The following MLLT10 variants were observed in gnomAD, a reference collection of about 807,000 sequenced individuals.
MLLT10 encodes MLLT10 histone lysine methyltransferase DOT1L cofactor, also known as protein AF-10.
A neutral mutation model predicts 129.1 loss-of-function variants in MLLT10; 30 were observed. The ratio of observed to expected loss-of-function variants is 0.23; its 90% confidence interval spans 0.17 to 0.32. MLLT10 has a LOEUF of 0.32. Ranked by LOEUF, MLLT10 falls within the 10% of genes least tolerant of loss-of-function variation. MLLT10 has a pLI of 1.00. For synonymous variants in MLLT10, 490 were observed against 446.4 expected, an observed-to-expected ratio of 1.10 and a Z score of -1.23; for missense variants, 1,119 against 1,268.3, an observed-to-expected ratio of 0.88 and a Z score of 1.79.
chr10:21,688,770 T>G (rs183936212), intron 13 of MLLT10, among the ~76,000 whole-genome samples: 72 of 152,252 alleles, frequency 4.7e-4, no homozygotes, highest in African/African-American at 1.7e-3. Context: ...AGGTAGATCT[T>G]AGAATTCCTG....
At chr10:21,740,940 A>T (rs190634715) in intron 22 of MLLT10, among the ~76,000 whole-genome samples, 1 of 152,266 alleles carries the variant, frequency 6.6e-6, no homozygotes, top group African/African-American at 2.4e-5. Flanking sequence ...GGCTATGGGG[A>T]TGTAGAATGG....
At chr10:21,646,169 G>T (rs1049954722) in intron 8 of MLLT10, among the ~76,000 whole-genome samples, 3 of 152,090 alleles carry the variant, frequency 2.0e-5, no homozygotes, top group Non-Finnish European at 4.4e-5. Context: ...TCACACCACC[G>T]CACTACAGCC....
intron 5 of MLLT10, 126 bp downstream of exon 5, chr10:21,595,566 C>G: frequency 3.1e-6 from 2 of 640,838 alleles, no homozygotes; most frequent in South Asian, 2.5e-5. Flanking sequence ...AATTACTACT[C>G]CAAACTGCAG....
intron 3 of MLLT10, among the ~76,000 whole-genome samples, chr10:21,543,981 C>A (rs2035662421): frequency 6.6e-6 from 1 of 152,200 alleles, no homozygotes; most frequent in South Asian, 2.1e-4. Flanking sequence ...TGCCGACTTA[C>A]TGTGCTACTT....
At chr10:21,632,165 G>A (rs1355244107) in intron 8 of MLLT10, among the ~76,000 whole-genome samples, 1 of 152,146 alleles carries the variant, frequency 6.6e-6, no homozygotes, top group Non-Finnish European at 1.5e-5. Flanking sequence ...AATTTAGCTT[G>A]AATTCAGATG....
At chr10:21,739,997 A>C in intron 21 of MLLT10, 33 bp from the exon 22 acceptor site, 102 of 1,481,422 alleles carry the variant, frequency 6.9e-5, no homozygotes, top group Middle Eastern at 1.7e-4. Context: ...CGTGCTTGGG[A>C]ACTCATTTTC....
At chr10:21,645,271 G>T (rs1589406058) in intron 8 of MLLT10, among the ~76,000 whole-genome samples, 1 of 152,042 alleles carries the variant, frequency 6.6e-6, no homozygotes, top group East Asian at 1.9e-4. Context: ...TCCCATTTTG[G>T]TTGCTTTTGG....
At chr10:21,677,702 C>T (rs1358160120) in intron 11 of MLLT10, among the ~76,000 whole-genome samples, 3 of 152,210 alleles carry the variant, frequency 2.0e-5, no homozygotes, top group Non-Finnish European at 2.9e-5. Context: ...TGTGGAATCC[C>T]ACAGACACAG....
chr10:21,611,811 G>A (rs573365145), intron 5 of MLLT10, among the ~76,000 whole-genome samples: 1 of 152,128 alleles, frequency 6.6e-6, no homozygotes, highest in Non-Finnish European at 1.5e-5. Flanking sequence ...TGTCAGCTTG[G>A]TGGGGCTGAA....
chr10:21,666,963 T>C (rs2050869487), intron 9 of MLLT10, among the ~76,000 whole-genome samples: 2 of 152,218 alleles, frequency 1.3e-5, no homozygotes, highest in African/African-American at 4.8e-5. Flanking sequence ...CACATTTCAT[T>C]TATTATTTGT....
intron 8 of MLLT10, among the ~76,000 whole-genome samples, chr10:21,627,973 G>A (rs1348632628): frequency 1.3e-5 from 2 of 152,152 alleles, no homozygotes; most frequent in Non-Finnish European, 2.9e-5. Context: ...TAAACTTTCA[G>A]TTACTAATTA....
At chr10:21,703,377 G>T (rs555405737) in intron 13 of MLLT10, among the ~76,000 whole-genome samples, 2 of 151,690 alleles carry the variant, frequency 1.3e-5, no homozygotes, top group Non-Finnish European at 2.9e-5. Flanking sequence ...TTAGTCTGAT[G>T]GGGGGGTCTT....
chr10:21,574,110 A>G (rs1445972483), intron 3 of MLLT10, among the ~76,000 whole-genome samples: 1 of 152,274 alleles, frequency 6.6e-6, no homozygotes, highest in East Asian at 1.9e-4. Context: ...AAAAAATCTG[A>G]GTCTAGAGTT....
chr10:21,557,427 C>G (rs959327444), intron 3 of MLLT10, among the ~76,000 whole-genome samples: 1 of 152,126 alleles, frequency 6.6e-6, no homozygotes, highest in African/African-American at 2.4e-5. Flanking sequence ...TTTGATAGAT[C>G]TGTGAAATAC....
At chr10:21,611,077 A>C (rs1396375487) in intron 5 of MLLT10, among the ~76,000 whole-genome samples, 2 of 140,476 alleles carry the variant, frequency 1.4e-5, no homozygotes, top group African/African-American at 5.3e-5. Context: ...GCTCACTGTA[A>C]CTTCCACCTC....
intron 5 of MLLT10, among the ~76,000 whole-genome samples, chr10:21,607,703 A>G (rs189349711): frequency 6.4e-4 from 97 of 152,336 alleles, no homozygotes; most frequent in Non-Finnish European, 1.2e-3. Flanking sequence ...TCTTGGCAAT[A>G]CAATTTGTAG....
chr10:21,673,926 G>GT lies in MLLT10; in HGVS notation c.1621+10dup. The GT allele has an allele frequency of 6.4e-7, 1 of 1,553,692 alleles. No homozygotes were observed. The highest frequency in any genetic ancestry group is 8.7e-7 in the Non-Finnish European group (1 of 1,153,414). ...TCATCTCCAGTTGGTTCAGGTAGGG[G>GT]TTTGCCTATTATTATTTTTCTCCTT... On this transcript the variant is annotated splice_region_variant and intron_variant, in intron 11 of 22. Transcript: ENST00000307729.
At chr10:21,646,325 C>T (rs957632622) in intron 8 of MLLT10, among the ~76,000 whole-genome samples, 1 of 152,208 alleles carries the variant, frequency 6.6e-6, no homozygotes, top group African/African-American at 2.4e-5. Flanking sequence ...TTACAGAGAG[C>T]AAATGATGCT....
At chr10:21,629,871 A>G (rs1384572972) in intron 8 of MLLT10, among the ~76,000 whole-genome samples, 1 of 152,184 alleles carries the variant, frequency 6.6e-6, no homozygotes, top group Non-Finnish European at 1.5e-5. Flanking sequence ...CTGATGTGGG[A>G]GTATCTCTTG....
Sources: gnomAD v4.1 joint callset for allele counts (sites outside exome capture counted in the v4.1 genomes callset) on GRCh38, gnomAD v4.1.1 for gene constraint, MANE v1.5 for transcripts, NCBI Gene and HGNC (gene_info 2026-07-23, HGNC 2026-07-21) for gene names.